The following CSMD1 variants were observed in gnomAD, a reference collection of about 807,000 sequenced individuals.
CSMD1 encodes the protein CUB and Sushi multiple domains 1.
A neutral mutation model predicts 417.5 loss-of-function variants in CSMD1; 213 were observed. The observed-to-expected ratio is 0.51, with a 90% CI of 0.46 to 0.57. The LOEUF (loss-of-function observed/expected upper bound fraction) is 0.57. Among genes scored for constraint, CSMD1 ranks in the 20% least tolerant of loss-of-function variants. The pLI is 0.00. For missense variants in CSMD1, 6,923 were observed against 4,529.7 expected (o/e 1.53, Z -15.17); for synonymous variants, 2,862 against 1,736.8 (o/e 1.65, Z -16.11).
At chr8:4,726,848 G>A (rs1809492337) in intron 1 of CSMD1, among the ~76,000 whole-genome samples, 1 of 152,140 alleles carries the variant, frequency 6.6e-6, no homozygotes, top group Non-Finnish European at 1.5e-5. Flanking sequence ...CAAATGACCT[G>A]AAAAGCTGAA....
At chr8:4,040,163 G>T (rs1430178309) in intron 3 of CSMD1, among the ~76,000 whole-genome samples, 1 of 152,158 alleles carries the variant, frequency 6.6e-6, no homozygotes, top group Non-Finnish European at 1.5e-5. Context: ...TTAATGAAAT[G>T]CTAGCATAGT....
chr8:3,342,120 C>G (rs971360807), intron 23 of CSMD1, among the ~76,000 whole-genome samples: 3 of 152,202 alleles, frequency 2.0e-5, no homozygotes, highest in African/African-American at 7.2e-5. Context: ...TTTACTCAGT[C>G]TTTTCAATGG....
chr8:3,620,711 C>A (rs1234000104), intron 7 of CSMD1, among the ~76,000 whole-genome samples: 1 of 152,030 alleles, frequency 6.6e-6, no homozygotes, highest in Non-Finnish European at 1.5e-5. Flanking sequence ...ACAAAAATAT[C>A]AACTAAACAT....
rs182868860 is a variant in CSMD1, at chr8:3,997,893, C to G, written c.818+10G>C. 2,314 of 1,608,084 alleles carry G rather than the reference C, an allele frequency of 1.4e-3. 4 individuals carry two copies. Among genetic ancestry groups the G allele is most frequent in the Admixed American group, 2.3e-3 (134 of 59,450 alleles). ...CTGTATCCTTTGTGGCATCTCTTCC[C>G]GGGACTTACCATATGGATGGAGCTT... is the stretch of plus-strand genomic sequence containing the variant. On this transcript the variant is annotated intron_variant, in intron 5 of 69. Coordinates refer to ENST00000635120, the MANE Select transcript of CSMD1 (RefSeq NM_033225.6).
intron 7 of CSMD1, among the ~76,000 whole-genome samples, chr8:3,691,489 C>T (rs1800242047): frequency 6.6e-6 from 1 of 152,194 alleles, no homozygotes; most frequent in Admixed American, 6.5e-5. Flanking sequence ...TTCAATGTTT[C>T]ACTGCAAGGC....
At chr8:3,069,726 G>C (rs1300669957) in intron 49 of CSMD1, among the ~76,000 whole-genome samples, 2 of 152,214 alleles carry the variant, frequency 1.3e-5, no homozygotes, top group African/African-American at 2.4e-5. Context: ...TCAGGGTCTG[G>C]AGGGCAGTGA....
chr8:3,558,602 GTGTCCACTCCTCCAATGATGAATA>G lies in CSMD1; in HGVS notation c.1344+16319_1344+16342del, dbSNP rs1563152990. Among the ~76,000 whole-genome samples the G allele has an allele frequency of 2.1e-4, 24 of 111,686 alleles. 1 individual carries two copies. In the South Asian group the frequency reaches 2.3e-3, roughly 11 times the overall value. 73.3% of individuals were successfully genotyped at this position (111,686 alleles called of 152,430 possible). ...ATGAATGGTGTCTCAATAGTACCCC[GTGTCCACTCCTCCAATGATGAATA>G]GTGCCTCAATAGTACCCCGTGTCCA... On this transcript the variant is annotated intron_variant, in intron 10 of 69. Transcript: ENST00000635120.
intron 3 of CSMD1, among the ~76,000 whole-genome samples, chr8:4,283,087 GT>G (rs1001242917): frequency 5.3e-5 from 8 of 152,038 alleles, no homozygotes; most frequent in African/African-American, 1.7e-4. Context: ...TCAACATCCT[GT>G]TTTTTAGCAG....
intron 7 of CSMD1, among the ~76,000 whole-genome samples, chr8:3,659,770 T>A (rs1798316648): frequency 1.3e-5 from 2 of 152,212 alleles, no homozygotes; most frequent in Non-Finnish European, 2.9e-5. Context: ...CTGGTAAAGA[T>A]CTTGAATTCC....
intron 18 of CSMD1, among the ~76,000 whole-genome samples, chr8:3,379,963 A>G (rs1017883912): frequency 6.6e-6 from 1 of 152,200 alleles, no homozygotes; most frequent in African/African-American, 2.4e-5. Flanking sequence ...GGCAACCTAC[A>G]GAATGGGAGA....
chr8:3,656,050 G>C (rs191015483), intron 7 of CSMD1, among the ~76,000 whole-genome samples: 2 of 152,242 alleles, frequency 1.3e-5, no homozygotes, highest in East Asian at 1.9e-4. Flanking sequence ...GAAATAACAT[G>C]AGATATATTT....
chr8:4,343,423 T>C (rs1224424838), intron 3 of CSMD1, among the ~76,000 whole-genome samples: 1 of 152,098 alleles, frequency 6.6e-6, no homozygotes, highest in Non-Finnish European at 1.5e-5. Flanking sequence ...CATAAAAAAA[T>C]TATTAAAAAT....
chr8:3,907,856 G>T (rs115829809), intron 5 of CSMD1, among the ~76,000 whole-genome samples: 1 of 152,176 alleles, frequency 6.6e-6, no homozygotes, highest in Non-Finnish European at 1.5e-5. Context: ...GTGCTCTGCG[G>T]TCCAGGCAAA....
At chr8:3,908,496 T>TA (rs1039745269) in intron 5 of CSMD1, among the ~76,000 whole-genome samples, 38 of 151,918 alleles carry the variant, frequency 2.5e-4, no homozygotes, top group African/African-American at 6.5e-4. Flanking sequence ...TATCCCCTGG[T>TA]AAAAAAACAA....
In CSMD1 at chr8:4,140,654, C is replaced by G. The variant is rs969072281; in HGVS notation, c.416-108555G>C. The stretch of plus-strand genomic sequence containing the variant: ...CTGCACTCCAGGCTGGGCAACAGAG[C>G]AAGACCCTGTCTCAATTAAAAATAA... On this transcript the variant is annotated intron_variant, in intron 3 of 69. Coordinates refer to ENST00000635120, the MANE Select transcript of CSMD1 (RefSeq NM_033225.6). Among the ~76,000 whole-genome samples, 71 of 150,908 alleles carry G rather than the reference C, an allele frequency of 4.7e-4. 4 individuals carry two copies. The highest frequency in any genetic ancestry group is 1.6e-3 in the African/African-American group (66 of 40,280).
chr8:4,775,595 C>A (rs1464863297), intron 1 of CSMD1, among the ~76,000 whole-genome samples: 1 of 152,102 alleles, frequency 6.6e-6, no homozygotes, highest in Admixed American at 6.6e-5. Context: ...ATATTTTAAG[C>A]AACTAATCAA....
At chr8:4,073,313 C>T (rs1435459010) in intron 3 of CSMD1, among the ~76,000 whole-genome samples, 1 of 152,052 alleles carries the variant, frequency 6.6e-6, no homozygotes, top group South Asian at 2.1e-4. Flanking sequence ...AGCTGAAGTA[C>T]TACAAAATGA....
At chr8:4,799,952 G>T (rs1165546243) in intron 1 of CSMD1, among the ~76,000 whole-genome samples, 2 of 151,940 alleles carry the variant, frequency 1.3e-5, no homozygotes, top group Non-Finnish European at 2.9e-5. Flanking sequence ...CCTCGAACAT[G>T]CAGACTACAC....
chr8:3,909,235 C>G (rs1563200813), intron 5 of CSMD1, among the ~76,000 whole-genome samples: 1 of 152,168 alleles, frequency 6.6e-6, no homozygotes, highest in East Asian at 1.9e-4. Context: ...CTCGTCCTGG[C>G]TTGGAGGAGA....
Sources: allele counts gnomAD v4.1 joint callset (sites outside exome capture counted in the v4.1 genomes callset), GRCh38; gene constraint gnomAD v4.1.1; transcripts MANE v1.5; gene names NCBI Gene and HGNC (gene_info 2026-07-23, HGNC 2026-07-21).